Variants in SASH1 observed in about 807,000 individuals in gnomAD.
SASH1 encodes the protein SAM and SH3 domain containing 1.
In SASH1, 44 loss-of-function variants were observed where a neutral mutation model predicts 125.2. That is an observed-to-expected ratio of 0.35 (90% CI 0.28 to 0.45). The LOEUF (loss-of-function observed/expected upper bound fraction) is 0.45. Among genes scored for constraint, SASH1 ranks in the 20% least tolerant of loss-of-function variants. The pLI is 1.00. For missense variants in SASH1, 1,426 were observed against 1,614.5 expected (o/e 0.88, Z 2.00); for synonymous variants, 639 against 649.1 (o/e 0.98, Z 0.24).
At chr6:148,203,757 C>T in the SASH1 span, among the ~76,000 whole-genome samples, 28 of 152,174 alleles carry the variant, frequency 1.8e-4, no homozygotes, top group Admixed American at 1.2e-3. Flanking sequence ...GGATGCCACA[C>T]GTAGCTTTCA....
At chr6:148,373,292 C>T (rs563010200) in intron 1 of SASH1, among the ~76,000 whole-genome samples, 36 of 152,144 alleles carry the variant, frequency 2.4e-4, no homozygotes, top group Admixed American at 2.0e-3. Flanking sequence ...GAGTAATATC[C>T]GCAGAGGATG....
At chr6:148,229,185 G>C in the SASH1 span, among the ~76,000 whole-genome samples, 1 of 148,806 alleles carries the variant, frequency 6.7e-6, no homozygotes, top group East Asian at 2.0e-4. Flanking sequence ...TGACTGATGG[G>C]TTCTAACATG....
intron 1 of SASH1, among the ~76,000 whole-genome samples, chr6:148,285,545 G>A (rs1779460351): frequency 6.6e-6 from 1 of 152,134 alleles, no homozygotes; most frequent in Non-Finnish European, 1.5e-5. Context: ...TTTTCCCAAA[G>A]CAGTGACAGG....
At chr6:148,470,633 T>C (rs559346477) in intron 5 of SASH1, among the ~76,000 whole-genome samples, 235 of 152,362 alleles carry the variant, frequency 1.5e-3, no homozygotes, top group African/African-American at 5.3e-3. Context: ...TAAAAATGTC[T>C]AGCTATAGCA....
chr6:148,309,084 CA>C (rs10652144), intron 1 of SASH1, among the ~76,000 whole-genome samples: 45,732 of 100,912 alleles, frequency 0.45, 8,143 homozygotes, highest in African/African-American at 0.55. Flanking sequence ...ACTCTGTCTC[CA>C]AAAAAAAAAA....
intron 1 of SASH1, among the ~76,000 whole-genome samples, chr6:148,343,800 C>A (rs1488838470): frequency 6.6e-6 from 1 of 152,176 alleles, no homozygotes; most frequent in Non-Finnish European, 1.5e-5. Context: ...ACTAAAAGCG[C>A]CCCTGGATTT....
Position 148,519,678 on chromosome 6 carries a change from C to G in SASH1, c.994C>G (p.Leu332Val), listed in dbSNP as rs750178921. The change falls in exon 10 of 20, where the codon CTC becomes GTC. Residue 332 changes from leucine to valine, a missense_variant. This residue lies in a region of SASH1 where 567 missense variants were observed against 575.6 expected (regional missense o/e 0.99). Coordinates refer to ENST00000367467, the MANE Select transcript of SASH1 (RefSeq NM_015278.5). The surrounding 1 kb of genome is among the most constrained non-coding windows in gnomAD (Gnocchi z 4.8). ...ACCTCCCGAAGATGACTCAGACTCT[C>G]TCACCACGTCTCCATCCTCCAGCAG... is the stretch of plus-strand genomic sequence containing the variant. ...EKPPEDDSDS[L>V]TTSPSSSSLD... 2 of 1,614,136 alleles carry G rather than the reference C, an allele frequency of 1.2e-6. No individual in the cohort carries two copies. The highest frequency in any genetic ancestry group is 2.2e-5 in the East Asian group (1 of 44,872).
At chr6:148,538,639 C>T (rs1782023555) in intron 16 of SASH1, among the ~76,000 whole-genome samples, 2 of 152,170 alleles carry the variant, frequency 1.3e-5, no homozygotes, top group South Asian at 4.1e-4. Flanking sequence ...GTAGTTGGGG[C>T]TGTAAAATGC....
chr6:148,486,524 C>T (rs571266598), intron 7 of SASH1, among the ~76,000 whole-genome samples: 1 of 152,194 alleles, frequency 6.6e-6, no homozygotes, highest in South Asian at 2.1e-4. Flanking sequence ...AGAGACCATC[C>T]TCAAAGGTCT....
At chr6:148,471,784 C>T (rs1206309263) in intron 6 of SASH1, among the ~76,000 whole-genome samples, 2 of 152,216 alleles carry the variant, frequency 1.3e-5, no homozygotes, top group Non-Finnish European at 2.9e-5. Flanking sequence ...GTTGCACCAA[C>T]CTCAGAAAGA....
chr6:148,271,168 C>A (rs1349834195), upstream of SASH1, among the ~76,000 whole-genome samples: 2 of 152,096 alleles, frequency 1.3e-5, no homozygotes, highest in African/African-American at 4.8e-5. Context: ...CCTTGGCTTC[C>A]CAAAGTGCTG....
chr6:148,208,170 G>C, the SASH1 span, among the ~76,000 whole-genome samples: 1 of 152,174 alleles, frequency 6.6e-6, no homozygotes, highest in East Asian at 1.9e-4. Context: ...GAGCTCGCGA[G>C]ATGGGTTGGT....
intron 12 of SASH1, among the ~76,000 whole-genome samples, chr6:148,531,146 C>A (rs1781488628): frequency 6.6e-6 from 1 of 152,040 alleles, no homozygotes. Flanking sequence ...ACTACACTTC[C>A]AGGTATTCTA....
rs1406867396 is a variant in SASH1 at position 148,287,093 on chromosome 6, T to TGGGGCATCAGGAGGAGA, written n.74+14716_74+14717insGGGGCATCAGGAGGAGA. On this transcript the variant is annotated intron_variant and non_coding_transcript_variant, in intron 1 of 3. Coordinates refer to the SASH1 transcript ENST00000367469. ...GTGGAGGTGCCGTTCTTGCCCCAGGTCTCTGATGGCATCAGGAGGAGACTT... is the reference window on the plus strand; with the variant it reads ...GTGGAGGTGCCGTTCTTGCCCCAGGTGGGGCATCAGGAGGAGACTCTGATGGCATCAGGAGGAGACTT... Among the ~76,000 whole-genome samples the TGGGGCATCAGGAGGAGA allele has an allele frequency of 7.9e-5, 12 of 152,142 alleles. No individual in the cohort carries two copies. The South Asian group carries it at 1.2e-3, about 16-fold the overall frequency.
chr6:148,439,350 G>T (rs545151745), intron 2 of SASH1, among the ~76,000 whole-genome samples: 1 of 152,254 alleles, frequency 6.6e-6, no homozygotes, highest in Non-Finnish European at 1.5e-5. Context: ...TTCCAGATAG[G>T]TCAGTTCATT....
intron 16 of SASH1, among the ~76,000 whole-genome samples, chr6:148,535,524 C>T (rs1167598447): frequency 2.0e-5 from 3 of 152,198 alleles, no homozygotes; most frequent in Admixed American, 6.5e-5. Context: ...AAGGAGGAGA[C>T]GTCTCTCCGC....
At chr6:148,261,042 T>C in the SASH1 span, among the ~76,000 whole-genome samples, 3 of 152,090 alleles carry the variant, frequency 2.0e-5, no homozygotes, top group African/African-American at 7.2e-5. Context: ...TGACCTCAGG[T>C]GATCTGCCAG....
intron 8 of SASH1, among the ~76,000 whole-genome samples, chr6:148,504,274 G>C (rs1463667461): frequency 1.3e-5 from 2 of 152,136 alleles, no homozygotes; most frequent in Admixed American, 1.3e-4. Flanking sequence ...ATGCTGCAAG[G>C]AAGCAGGGGG....
At chr6:148,539,030 C>T in intron 16 of SASH1, among the ~76,000 whole-genome samples, 1 of 151,918 alleles carries the variant, frequency 6.6e-6, no homozygotes, top group Admixed American at 6.5e-5. Context: ...TGTTGAAGGC[C>T]CTCGTGGCTT....
Sources: allele counts gnomAD v4.1 joint callset (sites outside exome capture counted in the v4.1 genomes callset), GRCh38; gene constraint gnomAD v4.1.1; regional missense constraint gnomAD v4.1.1; non-coding constraint Gnocchi (gnomAD v3.1); transcripts MANE v1.5; gene names NCBI Gene and HGNC (gene_info 2026-07-23, HGNC 2026-07-21).